Variants in RGS5 observed in about 807,000 individuals in gnomAD.
RGS5 encodes the protein regulator of G protein signaling 5.
A neutral mutation model predicts 18.9 loss-of-function variants in RGS5; 20 were observed. The ratio of observed to expected loss-of-function variants is 1.06; its 90% CI spans 0.74 to 1.54. RGS5 has a LOEUF of 1.54. Among genes scored for constraint, RGS5 ranks in the 40% most tolerant of loss-of-function variants. RGS5 has a pLI of 0.00. For synonymous variants in RGS5, 57 were observed against 76.2 expected, an observed-to-expected ratio of 0.75 and a Z score of 1.31; for missense variants, 201 against 211.8, an observed-to-expected ratio of 0.95 and a Z score of 0.32.
At chr1:163,279,309 A>G (rs1011395000) in intron 2 of RGS5, among the ~76,000 whole-genome samples, 13 of 152,132 alleles carry the variant, frequency 8.5e-5, no homozygotes, top group African/African-American at 2.9e-4. Context: ...AAATGAAATA[A>G]TATCAAGTAT....
chr1:163,255,433 T>C (rs182989707), intron 2 of RGS5, among the ~76,000 whole-genome samples: 2 of 152,132 alleles, frequency 1.3e-5, no homozygotes, highest in East Asian at 3.9e-4. Context: ...TCTCTGAATA[T>C]ACCAATAACA....
chr1:163,305,648 CA>C (rs1421982536), intron 2 of RGS5, among the ~76,000 whole-genome samples: 1 of 152,228 alleles, frequency 6.6e-6, no homozygotes, highest in Non-Finnish European at 1.5e-5. Context: ...AATTCCTTGA[CA>C]AGCTCTCCTA....
chr1:163,210,684 C>G (rs991601113), intron 1 of RGS5: 2 of 152,164 alleles, frequency 1.3e-5, no homozygotes, highest in Non-Finnish European at 2.9e-5. Flanking sequence ...TATAACAGTG[C>G]CTTACACACA....
In RGS5 at chr1:163,174,793, G is replaced by T. The variant is rs370599833; in HGVS notation, c.45-6425C>A. ...TGGGGCATAGGCTATTCCTGTGGTT[G>T]AAAGGCTTTCGGCAATCACAAACAG... is the stretch of plus-strand genomic sequence containing the variant. On this transcript the variant is annotated intron_variant, in intron 1 of 4. Coordinates refer to ENST00000313961, the MANE Select transcript of RGS5 (RefSeq NM_003617.4). Among the ~76,000 whole-genome samples the T allele has an allele frequency of 2.6e-5, 4 of 152,198 alleles. No homozygotes were observed. The East Asian group carries it at 5.8e-4, about 22-fold the overall frequency.
intron 1 of RGS5, among the ~76,000 whole-genome samples, chr1:163,320,018 A>G (rs1650141980): frequency 6.6e-6 from 1 of 152,328 alleles, no homozygotes; most frequent in Non-Finnish European, 1.5e-5. Flanking sequence ...TACTTCTAAT[A>G]TAACTCAATT....
intron 2 of RGS5, among the ~76,000 whole-genome samples, chr1:163,297,204 T>C (rs1649442401): frequency 6.6e-6 from 1 of 152,164 alleles, no homozygotes; most frequent in Non-Finnish European, 1.5e-5. Flanking sequence ...AGAGAGGAGC[T>C]GACTACAAAG....
chr1:163,303,858 T>C (rs750218605), intron 2 of RGS5, among the ~76,000 whole-genome samples: 5 of 152,110 alleles, frequency 3.3e-5, no homozygotes, highest in Admixed American at 6.5e-5. Context: ...GGGATCTAGG[T>C]TGCACACTAC....
intron 1 of RGS5, among the ~76,000 whole-genome samples, chr1:163,316,252 G>A (rs780098600): frequency 4.7e-4 from 72 of 152,266 alleles, no homozygotes; most frequent in Non-Finnish European, 9.0e-4. Context: ...TAGGAGAGAC[G>A]TATCATTATT....
intron 1 of RGS5, among the ~76,000 whole-genome samples, chr1:163,195,780 T>A (rs1247002560): frequency 6.6e-6 from 1 of 152,068 alleles, no homozygotes; most frequent in Non-Finnish European, 1.5e-5. Context: ...CTTCACTGCC[T>A]ACAAAGGGGA....
upstream of RGS5, among the ~76,000 whole-genome samples, chr1:163,207,020 G>C (rs1659971164): frequency 6.6e-6 from 1 of 152,006 alleles, no homozygotes; most frequent in East Asian, 1.9e-4. Context: ...TAATTTCTAT[G>C]TATTAATCAC....
At chr1:163,147,596 A>T in intron 4 of RGS5, 93 bp from the exon 5 acceptor site, 2 of 1,160,976 alleles carry the variant, frequency 1.7e-6, no homozygotes, top group Non-Finnish European at 2.4e-6. Context: ...TCAATAAAAC[A>T]TAAGAGGGGA....
At chr1:163,225,371 T>C (rs1347577989) in intron 2 of RGS5, among the ~76,000 whole-genome samples, 1 of 152,166 alleles carries the variant, frequency 6.6e-6, no homozygotes, top group African/African-American at 2.4e-5. Context: ...AATGGATCTA[T>C]GGGGGCTCAA....
At position 163,190,504 on chromosome 1, in the gene RGS5, AAGG is replaced by A. The variant is rs555636582; in HGVS notation, c.44+12285_44+12287del. 1.6e-3 allele frequency among the ~76,000 whole-genome samples: 241 copies of A among 152,312 alleles called. 2 individuals carry two copies. Among genetic ancestry groups the A allele is most frequent in the African/African-American group, 5.2e-3 (218 of 41,576 alleles). On this transcript the variant is annotated intron_variant, in intron 1 of 4. Transcript: ENST00000313961. ...CAAGATCATACTACCTGGAGAATGC[AAGG>A]AGAAGATACCAGCAGGGAGCCCCTT...
intron 1 of RGS5, among the ~76,000 whole-genome samples, chr1:163,311,141 T>C (rs1386694466): frequency 1.3e-5 from 2 of 152,202 alleles, no homozygotes; most frequent in Non-Finnish European, 2.9e-5. Flanking sequence ...TAAAGATGGC[T>C]TCTTTCCTTA....
At chr1:163,184,722 A>G (rs1210255005) in intron 1 of RGS5, among the ~76,000 whole-genome samples, 4 of 152,198 alleles carry the variant, frequency 2.6e-5, no homozygotes, top group Non-Finnish European at 5.9e-5. Context: ...AGATTAAAAA[A>G]TGCTATACTG....
rs547367907 is a variant in RGS5, at chr1:163,142,670, G to A, written c.*4672C>T. On this transcript the variant is annotated 3_prime_UTR_variant, in exon 5 of 5. Coordinates refer to ENST00000313961, the MANE Select transcript of RGS5 (RefSeq NM_003617.4). ...ATTTCTCAGCATTTCTCTTTGTTTT[G>A]TCTATGCCTTAGCCTGTGCATTTTT... is the stretch of plus-strand genomic sequence containing the variant. The A allele has an allele frequency of 6.6e-6, 1 of 152,132 alleles. No homozygotes were observed. Among genetic ancestry groups the A allele is most frequent in the African/African-American group, 2.4e-5 (1 of 41,496 alleles). The allele number at this position is 152,132 out of a possible 1,614,324, so 9.4% of individuals were successfully genotyped here. A position where few individuals can be genotyped will look rare whatever the true frequency, so the allele number is the denominator to read the frequency against.
chr1:163,269,097 T>C (rs1270830483), intron 2 of RGS5, among the ~76,000 whole-genome samples: 1 of 152,160 alleles, frequency 6.6e-6, no homozygotes, highest in Non-Finnish European at 1.5e-5. Context: ...CCAAATTTGC[T>C]TACAAAGATA....
intron 2 of RGS5, among the ~76,000 whole-genome samples, chr1:163,268,321 A>C (rs1381704275): frequency 5.3e-5 from 8 of 152,172 alleles, no homozygotes; most frequent in Non-Finnish European, 8.8e-5. Context: ...CTATAGCCAG[A>C]GACATACATT....
At chr1:163,267,774 T>A (rs1454352323) in intron 2 of RGS5, among the ~76,000 whole-genome samples, 2 of 152,084 alleles carry the variant, frequency 1.3e-5, no homozygotes, top group African/African-American at 4.8e-5. Context: ...GAAAATGACA[T>A]TTTCTGAACT....
Sources: allele counts gnomAD v4.1 joint callset (sites outside exome capture counted in the v4.1 genomes callset), GRCh38; gene constraint gnomAD v4.1.1; transcripts MANE v1.5; gene names NCBI Gene and HGNC (gene_info 2026-07-23, HGNC 2026-07-21).